MYO19: variants seen among roughly 807,000 people sequenced by gnomAD.
The protein encoded by MYO19 is unconventional myosin-XIX.
Under a neutral mutation model 129.2 loss-of-function variants are expected in MYO19, and 132 were observed. The ratio of observed to expected loss-of-function variants is 1.02; its 90% CI spans 0.89 to 1.18. The LOEUF (loss-of-function observed/expected upper bound fraction) is 1.18. MYO19 is among the 50% of genes most tolerant of loss of function. The pLI is 0.00. For synonymous variants in MYO19, 531 were observed against 477.2 expected (o/e 1.11, Z -1.47); for missense variants, 1,210 against 1,216.7 (o/e 0.99, Z 0.08).
chr17:36,507,018 A>G lies in MYO19; in HGVS notation c.1589T>C (p.Val530Ala), dbSNP rs1319291527. 1 of 1,613,512 alleles carries G rather than the reference A, an allele frequency of 6.2e-7. No homozygotes were observed. Among genetic ancestry groups the G allele is most frequent in the East Asian group, 2.2e-5 (1 of 44,864 alleles). Residue 530 changes from valine to alanine, a missense_variant, in exon 17 of 26, where the codon GTG (valine) becomes GCG (alanine). Val to Ala is a moderately conservative substitution (Grantham distance 64). Transcript: ENST00000614623. ...KLSREPSFIV[V>A]HYAGPVRYHT... ...GTACCGCACAGGCCCCGCATAATGC[A>G]CCACAATGAAGCTGGGCTCCCGGCT...
intron 25 of MYO19, among the ~76,000 whole-genome samples, chr17:36,497,232 G>A (rs1246072631): frequency 2.6e-5 from 4 of 151,874 alleles, no homozygotes; most frequent in African/African-American, 9.7e-5. Context: ...CAGCTATTCG[G>A]GAGGCTGAGG....
chr17:36,528,504 C>CT (rs2073629878), intron 3 of MYO19, among the ~76,000 whole-genome samples: 1 of 146,144 alleles, frequency 6.8e-6, no homozygotes, highest in Non-Finnish European at 1.5e-5. Flanking sequence ...GAGCAAGACT[C>CT]TGTCTCAAAA....
intron 21 of MYO19, among the ~76,000 whole-genome samples, chr17:36,502,289 C>G (rs989691609): frequency 6.6e-5 from 10 of 152,204 alleles, no homozygotes; most frequent in African/African-American, 2.2e-4. Flanking sequence ...GAGACTAAAG[C>G]CTGCCTAAGT....
intron 9 of MYO19, 53 bp from the exon 10 acceptor site, chr17:36,513,778 G>GC: frequency 6.7e-7 from 1 of 1,498,880 alleles, no homozygotes; most frequent in African/African-American, 1.4e-5. Flanking sequence ...AAAAGCCCAG[G>GC]CCTGCATAGG....
chr17:36,538,198 G>A (rs769740282), upstream of MYO19: 1 of 1,613,328 alleles, frequency 6.2e-7, no homozygotes, highest in Non-Finnish European at 8.5e-7. Flanking sequence ...GCAGTATCTC[G>A]AAGAATGGCA....
At position 36,506,517 on chromosome 17, in the gene MYO19, G is replaced by GTC. The variant is rs765031199; in HGVS notation, c.1734_1735dup (p.Thr579ArgfsTer15). On this transcript the variant is annotated frameshift_variant, in exon 18 of 26. Coordinates refer to ENST00000614623, the MANE Select transcript of MYO19 (RefSeq NM_001163735.2). LOFTEE classifies it high-confidence loss of function. Reference sequence around the variant, plus strand: ...GCTCTGGCCAGGGGGTTCCTCCTGGGTCTTCTCTTTGGGGTTAGTAGGAAA... The same window carrying GTC: ...GCTCTGGCCAGGGGGTTCCTCCTGGGTCTCTTCTCTTTGGGGTTAGTAGGAAA... 1.6e-5 allele frequency: 25 copies of GTC among 1,606,170 alleles called. No individual in the cohort carries two copies. The highest frequency in any genetic ancestry group is 2.1e-5 in the Non-Finnish European group (25 of 1,177,466).
At chr17:36,543,073 TG>T (rs2074205981) in intron 1 of MYO19, 1 of 152,234 alleles carries the variant, frequency 6.6e-6, no homozygotes, top group Non-Finnish European at 1.5e-5. Context: ...GTCCAAATTT[TG>T]GCTATGTATA....
upstream of MYO19, chr17:36,535,534 G>C (rs1186030909): frequency 6.6e-6 from 1 of 152,266 alleles, no homozygotes; most frequent in Non-Finnish European, 1.5e-5. Context: ...CGGGTGCAGC[G>C]GCAGTCCGGC....
At chr17:36,544,650 A>G (rs1161107781), upstream of MYO19, among the ~76,000 whole-genome samples, 1 of 152,152 alleles carries the variant, frequency 6.6e-6, no homozygotes, top group African/African-American at 2.4e-5. Flanking sequence ...TCCGTGGGGA[A>G]GCCTTCCCGG....
At chr17:36,534,875 C>T (rs961980665), upstream of MYO19, 2 of 152,324 alleles carry the variant, frequency 1.3e-5, no homozygotes, top group Admixed American at 1.3e-4. Context: ...AGAGGAGGGG[C>T]AAGAGCGTGC....
At position 36,510,785 on chromosome 17, in the gene MYO19, T is replaced by C. The variant is rs753078621; in HGVS notation, c.1118A>G (p.Asp373Gly). Residue 373 changes from aspartate to glycine, a missense_variant, in exon 13 of 26, where the codon GAC (aspartate) becomes GGC (glycine). By Grantham distance (94) the Asp-to-Gly change is moderately conservative (BLOSUM62 -1). Transcript: ENST00000614623. ...TTTGGCCAGGCAGTCTCTACGGGTG[T>C]CACACTCGGCTCGGGCGCAGGGCTT... Reference protein sequence around the residue: ...FRKPCARAECDTRRDCLAKLI... With the variant: ...FRKPCARAECGTRRDCLAKLI... 7 of 1,607,392 alleles carry C rather than the reference T, an allele frequency of 4.4e-6. No homozygotes were observed. The highest frequency in any genetic ancestry group is 5.9e-6 in the Non-Finnish European group (7 of 1,176,966).
In MYO19 at chr17:36,515,895, C is replaced by G. The variant is rs776915936; in HGVS notation, c.510G>C (p.Gln170His). Residue 170 changes from glutamine to histidine, a missense_variant, in exon 7 of 26, where the codon CAG becomes CAC. Coordinates refer to ENST00000614623, the MANE Select transcript of MYO19 (RefSeq NM_001163735.2). The stretch of plus-strand genomic sequence containing the variant: ...TGACAGGGTTGGAGTTCAGGATCCT[C>G]TGTTCTATCCTCTCTGCAATCTTGT... ...ESHKIAERIE[Q>H]RILNSNPVME... 2 of 1,613,710 alleles carry G rather than the reference C, an allele frequency of 1.2e-6. No individual in the cohort carries two copies. Among genetic ancestry groups the G allele is most frequent in the Non-Finnish European group, 1.7e-6 (2 of 1,179,648 alleles).
intron 11 of MYO19, among the ~76,000 whole-genome samples, chr17:36,511,908 T>C (rs777992091): frequency 5.3e-5 from 8 of 152,174 alleles, no homozygotes; most frequent in Non-Finnish European, 7.3e-5. Context: ...GTCAGGCTTC[T>C]GAGAGCCCAG....
chr17:36,537,471 G>A (rs751445849), upstream of MYO19: 2 of 1,614,002 alleles, frequency 1.2e-6, no homozygotes, highest in Non-Finnish European at 1.7e-6. Flanking sequence ...TCTAGAATCA[G>A]AATACAATCC....
At chr17:36,536,153 A>G (rs1013161505), upstream of MYO19, among the ~76,000 whole-genome samples, 2 of 152,228 alleles carry the variant, frequency 1.3e-5, no homozygotes, top group African/African-American at 2.4e-5. Flanking sequence ...AACTAACACT[A>G]GTATGTGCTA....
At chr17:36,520,858 T>C (rs2073090802) in intron 6 of MYO19, among the ~76,000 whole-genome samples, 1 of 152,248 alleles carries the variant, frequency 6.6e-6, no homozygotes, top group Non-Finnish European at 1.5e-5. Flanking sequence ...TATATGCAGA[T>C]TTTCAATTGC....
At chr17:36,532,440 G>C (rs1490529073) in intron 3 of MYO19, 87 bp downstream of exon 3, 2 of 1,496,882 alleles carry the variant, frequency 1.3e-6, no homozygotes, top group Non-Finnish European at 1.8e-6. Flanking sequence ...AGACCTTTAA[G>C]GGGGCTTTCC....
chr17:36,527,916 C>T, intron 4 of MYO19, 148 bp downstream of exon 4: 1 of 1,199,482 alleles, frequency 8.3e-7, no homozygotes, highest in African/African-American at 1.5e-5. Flanking sequence ...CTGTCATGCT[C>T]CCTCAGGCGG....
At position 36,499,059 on chromosome 17, in the gene MYO19, C is replaced by A; in HGVS notation, c.2463+16G>T. 1 of 1,594,918 alleles carries A rather than the reference C, an allele frequency of 6.3e-7. No individual in the cohort carries two copies. Among genetic ancestry groups the A allele is most frequent in the Non-Finnish European group, 8.6e-7 (1 of 1,168,388 alleles). On this transcript the variant is annotated intron_variant, in intron 24 of 25. Coordinates refer to ENST00000614623, the MANE Select transcript of MYO19 (RefSeq NM_001163735.2). Reference sequence around the variant, plus strand: ...ATTGATCCACTGCCCACCCCGACTTCTTGGGTCTTACTTACTCTCCACTTC... The same window carrying A: ...ATTGATCCACTGCCCACCCCGACTTATTGGGTCTTACTTACTCTCCACTTC...
Sources: gnomAD v4.1 joint callset for allele counts (sites outside exome capture counted in the v4.1 genomes callset) on GRCh38, gnomAD v4.1.1 for gene constraint, MANE v1.5 for transcripts, NCBI Gene and HGNC (gene_info 2026-07-23, HGNC 2026-07-21) for gene names.